HMCN1: variants seen among roughly 807,000 people sequenced by gnomAD.
HMCN1 encodes the protein hemicentin-1.
Under a neutral mutation model 625.9 loss-of-function variants are expected in HMCN1, and 321 were observed. That is an observed-to-expected ratio of 0.51 (90% CI 0.47 to 0.56). The LOEUF (loss-of-function observed/expected upper bound fraction) is 0.56, where lower values mean the gene tolerates loss of function less well. Ranked by LOEUF, HMCN1 falls within the 20% of genes least tolerant of loss-of-function variation. HMCN1 has a pLI of 0.00. For missense variants in HMCN1, 6,588 were observed against 6,887.3 expected (o/e 0.96, Z 1.54); for synonymous variants, 2,425 against 2,417.6 (o/e 1.00, Z -0.09).
Position 185,925,102 on chromosome 1 carries a change from C to T in HMCN1, c.1341C>T (p.Gly447=), listed in dbSNP as rs377067569. The T allele has an allele frequency of 8.1e-6, 13 of 1,613,706 alleles. No individual in the cohort carries two copies. The African/African-American group carries it at 1.5e-4, about 18-fold the overall frequency. ...CCCCAGGATACTATCTGCAGCCGGG[C>T]CAAATTCCCTGCTCTGTTGACAGTC... The part of the protein sequence containing the change: ...EKTPGYYLQP[G]QIPCSVDSLL... The change falls in exon 9 of 107, where the codon GGC becomes GGT. Residue 447 remains glycine, a synonymous_variant. Coordinates refer to ENST00000271588, the MANE Select transcript of HMCN1 (RefSeq NM_031935.3).
intron 53 of HMCN1, among the ~76,000 whole-genome samples, chr1:186,075,688 CA>C (rs1223674752): frequency 2.6e-5 from 4 of 152,042 alleles, no homozygotes; most frequent in African/African-American, 9.7e-5. Flanking sequence ...TCTGTTTCAC[CA>C]GTTGAATATC....
At chr1:186,058,447 A>G (rs1487353583) in intron 46 of HMCN1, among the ~76,000 whole-genome samples, 1 of 151,992 alleles carries the variant, frequency 6.6e-6, no homozygotes. Flanking sequence ...GCTTAATGAC[A>G]GTATTTGCAA....
At chr1:186,006,772 A>G (rs1374116582) in intron 29 of HMCN1, among the ~76,000 whole-genome samples, 2 of 151,618 alleles carry the variant, frequency 1.3e-5, no homozygotes, top group African/African-American at 4.8e-5. Context: ...TCTTTTCCAG[A>G]TAATGGTAGA....
intron 54 of HMCN1, among the ~76,000 whole-genome samples, chr1:186,077,701 C>T (rs1176351007): frequency 4.6e-5 from 7 of 152,068 alleles, no homozygotes; most frequent in Non-Finnish European, 4.4e-5. Context: ...TAAAATAGTA[C>T]ACTTTATACT....
chr1:185,792,177 A>G (rs561996798), intron 1 of HMCN1, among the ~76,000 whole-genome samples: 17 of 152,350 alleles, frequency 1.1e-4, no homozygotes, highest in African/African-American at 3.6e-4. Flanking sequence ...AAGATTGGTT[A>G]TCTTACCTTG....
intron 11 of HMCN1, among the ~76,000 whole-genome samples, chr1:185,951,661 C>A (rs1350160628): frequency 6.6e-6 from 1 of 151,840 alleles, no homozygotes; most frequent in African/African-American, 2.4e-5. Flanking sequence ...GTTGAACAGT[C>A]CGATTTTCAG....
chr1:186,121,694 A>G (rs1388293463), intron 80 of HMCN1, among the ~76,000 whole-genome samples: 6 of 152,190 alleles, frequency 3.9e-5, no homozygotes, highest in African/African-American at 1.4e-4. Context: ...TTGAATATAT[A>G]TGAATTTGGA....
In HMCN1 at chr1:185,762,060, G is replaced by T. The variant is rs373284877; in HGVS notation, c.268+27013G>T. Among the ~76,000 whole-genome samples the T allele has an allele frequency of 2.6e-5, 4 of 152,188 alleles. No individual in the cohort carries two copies. The East Asian group carries it at 5.8e-4, about 22-fold the overall frequency. ...CAGTTCAGGAAGAAAAAGAATTTCC[G>T]TGTAGGATACTTTGTGCAATTTGCA... On this transcript the variant is annotated intron_variant, in intron 1 of 106. Coordinates refer to ENST00000271588, the MANE Select transcript of HMCN1 (RefSeq NM_031935.3).
intron 11 of HMCN1, among the ~76,000 whole-genome samples, chr1:185,955,127 A>C (rs2102542323): frequency 6.6e-6 from 1 of 152,296 alleles, no homozygotes; most frequent in South Asian, 2.1e-4. Context: ...CTAAGCTATT[A>C]GAATCCTCTT....
chr1:185,969,483 T>C (rs1414232542), intron 14 of HMCN1, among the ~76,000 whole-genome samples: 1 of 152,178 alleles, frequency 6.6e-6, no homozygotes, highest in Non-Finnish European at 1.5e-5. Context: ...TAGAGAATTT[T>C]AGTACTAGCT....
At chr1:186,119,142 A>T in intron 77 of HMCN1, 49 bp from the exon 78 acceptor site, 1 of 1,355,338 alleles carries the variant, frequency 7.4e-7, no homozygotes, top group South Asian at 1.2e-5. Context: ...TTATTGAACT[A>T]AAAAAACTGA....
chr1:186,180,103 C>T (rs10911836), intron 104 of HMCN1, among the ~76,000 whole-genome samples: 42,226 of 151,952 alleles, frequency 0.28, 6,022 homozygotes, highest in Middle Eastern at 0.37. Context: ...TTTTGTCCCA[C>T]GTGGTCAAAT....
intron 1 of HMCN1, among the ~76,000 whole-genome samples, chr1:185,797,393 C>T (rs954125624): frequency 2.0e-5 from 3 of 152,188 alleles, no homozygotes; most frequent in Admixed American, 6.5e-5. Flanking sequence ...TAACCTCAAA[C>T]CTCTAGGCTT....
chr1:185,769,729 G>T (rs868168897), intron 1 of HMCN1, among the ~76,000 whole-genome samples: 3 of 152,114 alleles, frequency 2.0e-5, no homozygotes, highest in African/African-American at 7.2e-5. Context: ...TTTTGGTCTT[G>T]TCTGGTCTTA....
intron 83 of HMCN1, 75 bp downstream of exon 83, chr1:186,128,366 C>A (rs1661752443): frequency 1.6e-6 from 2 of 1,233,810 alleles, no homozygotes; most frequent in Non-Finnish European, 2.4e-6. Flanking sequence ...TTTCCTCCAG[C>A]TGTGAAAATT....
In HMCN1 at chr1:185,830,074, G is replaced by A. The variant is rs373254381; in HGVS notation, c.269-15952G>A. 1.4e-3 allele frequency among the ~76,000 whole-genome samples: 217 copies of A among 151,986 alleles called. 2 individuals are homozygous for A. The highest frequency in any genetic ancestry group is 5.8e-3 in the South Asian group (28 of 4,816). On this transcript the variant is annotated intron_variant, in intron 1 of 106. Coordinates refer to ENST00000271588, the MANE Select transcript of HMCN1 (RefSeq NM_031935.3). ...GGAGAAGTGTCTATTCATATCCTTT[G>A]CCCACTTTTTGATAGAGTTGTTTGT...
At chr1:186,063,449 AGAAG>A (rs71798893) in intron 48 of HMCN1, among the ~76,000 whole-genome samples, 15,910 of 103,886 alleles carry the variant, frequency 0.15, 1,480 homozygotes, top group Middle Eastern at 0.23. Flanking sequence ...GGACGGAGAG[AGAAG>A]GAAGGAAGGA....
At chr1:185,794,857 A>G (rs1046818889) in intron 1 of HMCN1, among the ~76,000 whole-genome samples, 5 of 152,202 alleles carry the variant, frequency 3.3e-5, no homozygotes, top group African/African-American at 1.2e-4. Flanking sequence ...CCAAAATATG[A>G]CTTTTGTAAA....
intron 68 of HMCN1, among the ~76,000 whole-genome samples, chr1:186,099,980 T>G (rs978547443): frequency 6.6e-6 from 1 of 151,582 alleles, no homozygotes; most frequent in Non-Finnish European, 1.5e-5. Flanking sequence ...TCTGACAGAG[T>G]GACAGAGTGA....
Sources: gnomAD v4.1 joint callset for allele counts (sites outside exome capture counted in the v4.1 genomes callset) on GRCh38, gnomAD v4.1.1 for gene constraint, MANE v1.5 for transcripts, NCBI Gene and HGNC (gene_info 2026-07-23, HGNC 2026-07-21) for gene names.